Variants in NDRG2 observed in about 807,000 individuals in gnomAD.
NDRG2 encodes NDRG family member 2.
Under a neutral mutation model 58.2 loss-of-function variants are expected in NDRG2, and 34 were observed. That is an observed-to-expected ratio of 0.58 (90% CI 0.44 to 0.78). NDRG2 has a LOEUF of 0.78. Ranked by LOEUF, NDRG2 falls within the 30% of genes least tolerant of loss-of-function variation. NDRG2 has a pLI of 0.00. For synonymous variants in NDRG2, 187 were observed against 175.9 expected (o/e 1.06, Z -0.50); for missense variants, 434 against 471.2 (o/e 0.92, Z 0.73).
At chr14:21,031,001 T>C (rs761611622) in intron 1 of NDRG2, 43 of 1,595,270 alleles carry the variant, frequency 2.7e-5, no homozygotes, top group Non-Finnish European at 3.6e-5. Context: ...GATTTCTGTC[T>C]AACTGACCAG....
At chr14:21,055,507 G>A (rs1456254408) in intron 1 of NDRG2, among the ~76,000 whole-genome samples, 1 of 152,146 alleles carries the variant, frequency 6.6e-6, no homozygotes, top group African/African-American at 2.4e-5. Flanking sequence ...GTGGCAGTGG[G>A]GAAAACTCAT....
intron 1 of NDRG2, chr14:21,042,979 T>G (rs761880769): frequency 1.2e-6 from 2 of 1,605,062 alleles, no homozygotes; most frequent in African/African-American, 2.7e-5. Context: ...TCCTGACTGC[T>G]CCTCCTAAGA....
intron 1 of NDRG2, among the ~76,000 whole-genome samples, chr14:21,048,779 C>G (rs1352750769): frequency 1.3e-5 from 2 of 152,180 alleles, no homozygotes; most frequent in African/African-American, 4.8e-5. Flanking sequence ...TGGAGCAGGC[C>G]TGACTTCCGT....
chr14:21,031,780 T>A, intron 1 of NDRG2: 1 of 1,238,944 alleles, frequency 8.1e-7, no homozygotes, highest in African/African-American at 1.5e-5. Flanking sequence ...CCCATGCCAG[T>A]GGCAGAGCAA....
At chr14:21,036,175 C>T (rs1233971063) in intron 1 of NDRG2, 1 of 456,322 alleles carries the variant, frequency 2.2e-6, no homozygotes, top group East Asian at 6.9e-5. Flanking sequence ...CTCTTCCATT[C>T]TTATTTCTTC....
At chr14:21,067,280 A>AG (rs914915323) in intron 1 of NDRG2, among the ~76,000 whole-genome samples, 8 of 65,110 alleles carry the variant, frequency 1.2e-4, no homozygotes, top group Non-Finnish European at 3.0e-4. Flanking sequence ...AGAAAAAGGT[A>AG]GGTTTTTTTT....
chr14:21,019,262 C>A (rs1450048769), intron 10 of NDRG2, 102 bp from the exon 11 acceptor site: 4 of 1,190,002 alleles, frequency 3.4e-6, no homozygotes, highest in Non-Finnish European at 4.8e-6. Context: ...CTAAAAATTA[C>A]GGTCAAATCT....
upstream of NDRG2, among the ~76,000 whole-genome samples, chr14:21,026,857 G>C (rs1248090739): frequency 6.6e-6 from 1 of 152,158 alleles, no homozygotes; most frequent in African/African-American, 2.4e-5. Flanking sequence ...ACAAGGAAAA[G>C]CCTGCTGGAA....
intron 6 of NDRG2, 144 bp from the exon 7 acceptor site, chr14:21,020,988 A>G (rs1338444284): frequency 2.2e-6 from 2 of 919,390 alleles, no homozygotes; most frequent in African/African-American, 1.6e-5. Context: ...GAGGACGCGA[A>G]AAAGAAGGGC....
At chr14:21,021,795 G>A (rs752601400) in intron 6 of NDRG2, 22 bp downstream of exon 6, 4 of 1,607,910 alleles carry the variant, frequency 2.5e-6, no homozygotes, top group East Asian at 2.2e-5. Context: ...CTCTGGTTTG[G>A]AGGGGTTCCC....
chr14:21,028,782 G>A (rs1883866471), upstream of NDRG2, among the ~76,000 whole-genome samples: 2 of 152,088 alleles, frequency 1.3e-5, no homozygotes, highest in Non-Finnish European at 2.9e-5. Flanking sequence ...AACCAGAGTA[G>A]TCATCCAACT....
intron 6 of NDRG2, 114 bp downstream of exon 6, chr14:21,021,703 T>C: frequency 8.9e-7 from 1 of 1,127,560 alleles, no homozygotes; most frequent in Non-Finnish European, 1.3e-6. Context: ...GAAGAAGATA[T>C]ATTGAGTTCA....
chr14:21,021,852 A>T lies in NDRG2; in HGVS notation c.372T>A (p.Leu124=). The change falls in exon 6 of 16, where the codon CTT becomes CTA. Residue 124 remains leucine, a synonymous_variant. Transcript: ENST00000556147. The stretch of plus-strand genomic sequence containing the variant: ...GCAGGACGCAAGGGATCATGTCTGC[A>T]AGCTGGTCCAGAGATGGGTACTGAT... The part of the protein sequence containing the change: ...LGYQYPSLDQ[L]ADMIPCVLQY... The T allele has an allele frequency of 1.2e-6, 2 of 1,613,404 alleles. No individual in the cohort carries two copies. The highest frequency in any genetic ancestry group is 1.7e-6 in the Non-Finnish European group (2 of 1,179,674).
At chr14:21,052,338 G>A (rs1885502224) in intron 1 of NDRG2, among the ~76,000 whole-genome samples, 1 of 152,102 alleles carries the variant, frequency 6.6e-6, no homozygotes, top group South Asian at 2.1e-4. Flanking sequence ...AGCAAAACAA[G>A]GTAGTACACG....
chr14:21,020,684 C>T (rs995314135), intron 7 of NDRG2, 100 bp downstream of exon 7: 94 of 1,577,690 alleles, frequency 6.0e-5, no homozygotes, highest in Non-Finnish European at 7.6e-5. Flanking sequence ...CCTGACTCCC[C>T]ACCTAGTGCC....
chr14:21,048,199 AC>A (rs1430977136), intron 1 of NDRG2: 1 of 151,454 alleles, frequency 6.6e-6, no homozygotes, highest in Non-Finnish European at 1.5e-5. Context: ...TCCTCCCCCT[AC>A]CCCCACCCCA....
intron 15 of NDRG2, 88 bp from the exon 16 acceptor site, chr14:21,017,850 C>CTAGT: frequency 6.3e-7 from 1 of 1,599,782 alleles, no homozygotes; most frequent in Non-Finnish European, 8.5e-7. Context: ...GGATTATGGA[C>CTAGT]TAGTTATAAC....
chr14:21,024,144 G>A lies in NDRG2; in HGVS notation c.-121C>T. 1 of 985,340 alleles carries A rather than the reference G, an allele frequency of 1.0e-6. No homozygotes were observed. The highest frequency in any genetic ancestry group is 1.2e-6 in the Non-Finnish European group (1 of 829,936). 61.0% of individuals were successfully genotyped at this position (985,340 alleles called of 1,614,324 possible). ...TGAATGACATGGGAGACAGACCTGGGGTCTTTCAGGGACGGAAAGCCTCAG... is the reference window on the plus strand; with the variant it reads ...TGAATGACATGGGAGACAGACCTGGAGTCTTTCAGGGACGGAAAGCCTCAG... On this transcript the variant is annotated 5_prime_UTR_variant, in exon 1 of 16. Coordinates refer to ENST00000556147, the MANE Select transcript of NDRG2 (RefSeq NM_001320329.2).
chr14:21,037,215 T>C (rs925048822), intron 1 of NDRG2, among the ~76,000 whole-genome samples: 32 of 152,354 alleles, frequency 2.1e-4, no homozygotes, highest in African/African-American at 7.2e-4. Context: ...GATTTAATGA[T>C]GATGAGCCTT....
Sources: allele counts gnomAD v4.1 joint callset (sites outside exome capture counted in the v4.1 genomes callset), GRCh38; gene constraint gnomAD v4.1.1; transcripts MANE v1.5; gene names NCBI Gene and HGNC (gene_info 2026-07-23, HGNC 2026-07-21).